Variants in WWOX observed in about 807,000 individuals in gnomAD.
The protein encoded by WWOX is WW domain containing oxidoreductase.
A neutral mutation model predicts 46.2 loss-of-function variants in WWOX; 69 were observed. The observed-to-expected ratio is 1.49, with a 90% confidence interval of 1.23 to 1.82. The LOEUF is 1.82. WWOX is among the 40% of genes most tolerant of loss of function. The pLI is 0.00. For synonymous variants in WWOX, 359 were observed against 202.6 expected, an observed-to-expected ratio of 1.77 and a Z score of -6.56; for missense variants, 919 against 542.6, an observed-to-expected ratio of 1.69 and a Z score of -6.89.
At chr16:78,765,998 C>T (rs1204583506) in intron 8 of WWOX, among the ~76,000 whole-genome samples, 1 of 152,156 alleles carries the variant, frequency 6.6e-6, no homozygotes, top group African/African-American at 2.4e-5. Flanking sequence ...GGAAATACAG[C>T]TGGAGAGACC....
At chr16:78,619,356 C>T (rs1437232761) in intron 8 of WWOX, among the ~76,000 whole-genome samples, 1 of 63,402 alleles carries the variant, frequency 1.6e-5, no homozygotes, top group Non-Finnish European at 3.1e-5. Flanking sequence ...AGCAAGACGC[C>T]ATCTCAAAAA....
chr16:79,020,495 AAATGCAACAGT>A (rs2151384772), intron 8 of WWOX, among the ~76,000 whole-genome samples: 1 of 152,364 alleles, frequency 6.6e-6, no homozygotes, highest in South Asian at 2.1e-4. Context: ...TAGGAGGATT[AAATGCAACAGT>A]AATCCAACCA....
At chr16:78,993,468 T>C (rs1386010616) in intron 8 of WWOX, among the ~76,000 whole-genome samples, 2 of 152,118 alleles carry the variant, frequency 1.3e-5, no homozygotes, top group Admixed American at 6.5e-5. Flanking sequence ...TAATTATAGT[T>C]AAGCAGGGCT....
chr16:78,108,344 G>C (rs2032281609), intron 1 of WWOX, 79 bp from the exon 2 acceptor site: 2 of 1,455,020 alleles, frequency 1.4e-6, no homozygotes, highest in Non-Finnish European at 9.5e-7. Context: ...ATCTGGGAGA[G>C]AAAAAATTTA....
chr16:78,691,292 G>A (rs560241434), intron 8 of WWOX: 79 of 702,064 alleles, frequency 1.1e-4, no homozygotes, highest in Non-Finnish European at 1.9e-4. Context: ...CAGTGACTTT[G>A]GTGAGTTCTT....
intron 8 of WWOX, among the ~76,000 whole-genome samples, chr16:79,023,792 C>CCA (rs112007716): frequency 1.4e-5 from 2 of 141,216 alleles, no homozygotes; most frequent in African/African-American, 5.3e-5. Flanking sequence ...ACTAAAAATA[C>CCA]AAAAAAAAAA....
chr16:78,505,880 G>C (rs544846275), intron 8 of WWOX, among the ~76,000 whole-genome samples: 9 of 152,240 alleles, frequency 5.9e-5, no homozygotes, highest in South Asian at 2.1e-4. Flanking sequence ...AGGAAGATTC[G>C]GCCTTTCTCT....
intron 8 of WWOX, among the ~76,000 whole-genome samples, chr16:79,109,319 T>A (rs2049371752): frequency 6.6e-6 from 1 of 152,180 alleles, no homozygotes; most frequent in African/African-American, 2.4e-5. Flanking sequence ...TCTATCGAGC[T>A]ACTGTAACTT....
At position 78,099,660 on chromosome 16, in the gene WWOX, C is replaced by T; in HGVS notation, c.-119C>T. 1.5e-6 allele frequency: 2 copies of T among 1,300,952 alleles called. No individual in the cohort carries two copies. Among genetic ancestry groups the T allele is most frequent in the South Asian group, 1.6e-5 (1 of 61,838 alleles). The allele number at this position is 1,300,952 out of a possible 1,614,324, so 80.6% of individuals were successfully genotyped here. A position where few individuals can be genotyped will look rare whatever the true frequency, so the allele number is the denominator to read the frequency against. ...GGAGCGGCCCCTGGAGGGCGCAGTG[C>T]GCAGGCGTGAGCGGTCGGGCCCCGA... On this transcript the variant is annotated 5_prime_UTR_variant, in exon 1 of 9. Transcript: ENST00000566780.
chr16:78,776,713 C>G (rs2050198475), intron 8 of WWOX, among the ~76,000 whole-genome samples: 1 of 152,028 alleles, frequency 6.6e-6, no homozygotes. Flanking sequence ...GTCGGGGAAG[C>G]CTCAGAAAAC....
chr16:79,025,416 G>T (rs893384692), intron 8 of WWOX, among the ~76,000 whole-genome samples: 1 of 152,176 alleles, frequency 6.6e-6, no homozygotes, highest in African/African-American at 2.4e-5. Context: ...ATCTTGGGTG[G>T]ACCCTAAATC....
In WWOX at chr16:78,784,029, A is replaced by G. The variant is rs1000307545; in HGVS notation, c.1056+351277A>G. On this transcript the variant is annotated intron_variant, in intron 8 of 8. Coordinates refer to ENST00000566780, the MANE Select transcript of WWOX (RefSeq NM_016373.4). Reference sequence around the variant, plus strand: ...GTGGGATGATGTTGATGTTGATGATAATGATGATGATAGTGATGATGATAT... The same window carrying G: ...GTGGGATGATGTTGATGTTGATGATGATGATGATGATAGTGATGATGATAT... Among the ~76,000 whole-genome samples the G allele has an allele frequency of 5.3e-5, 8 of 151,940 alleles. No homozygotes were observed. In the East Asian group the frequency reaches 5.8e-4, roughly 11 times the overall value.
At chr16:79,072,209 C>T (rs185178714) in intron 8 of WWOX, among the ~76,000 whole-genome samples, 206 of 152,180 alleles carry the variant, frequency 1.4e-3, no homozygotes, top group African/African-American at 4.6e-3. Context: ...TTGCTTGAGC[C>T]TAGGGGGTTG....
At chr16:78,858,066 A>C (rs1316708844) in intron 8 of WWOX, among the ~76,000 whole-genome samples, 1 of 152,118 alleles carries the variant, frequency 6.6e-6, no homozygotes, top group Non-Finnish European at 1.5e-5. Context: ...GTTTTTCCAA[A>C]GTTTTAAATA....
At chr16:78,209,132 T>A (rs928107405) in intron 5 of WWOX, among the ~76,000 whole-genome samples, 5 of 152,198 alleles carry the variant, frequency 3.3e-5, no homozygotes, top group African/African-American at 9.6e-5. Flanking sequence ...GTTTGAATTT[T>A]TAAAATAGGT....
intron 8 of WWOX, among the ~76,000 whole-genome samples, chr16:79,189,208 G>T (rs1407001371): frequency 6.6e-6 from 1 of 152,066 alleles, no homozygotes; most frequent in Non-Finnish European, 1.5e-5. Context: ...TGGAAAAATT[G>T]CCTGAGCATT....
chr16:78,960,189 A>G (rs2046246373), intron 8 of WWOX, among the ~76,000 whole-genome samples: 1 of 152,204 alleles, frequency 6.6e-6, no homozygotes, highest in African/African-American at 2.4e-5. Context: ...GGTGTAAAAG[A>G]TAGTACCTGA....
chr16:79,144,362 G>C (rs943458862), intron 8 of WWOX, among the ~76,000 whole-genome samples: 1 of 152,194 alleles, frequency 6.6e-6, no homozygotes, highest in Admixed American at 6.5e-5. Context: ...CCAGCTTTTT[G>C]GGGGACCCAG....
intron 5 of WWOX, among the ~76,000 whole-genome samples, chr16:78,219,841 T>C (rs2036834866): frequency 1.3e-5 from 2 of 152,330 alleles, no homozygotes; most frequent in East Asian, 3.9e-4. Flanking sequence ...TCTCTTGTTT[T>C]ATCTTGACTT....
Sources: gnomAD v4.1 joint callset for allele counts (sites outside exome capture counted in the v4.1 genomes callset) on GRCh38, gnomAD v4.1.1 for gene constraint, MANE v1.5 for transcripts, NCBI Gene and HGNC (gene_info 2026-07-23, HGNC 2026-07-21) for gene names.